The following ADARB2 variants were observed in gnomAD, a reference collection of about 807,000 sequenced individuals.
The protein encoded by ADARB2 is inactive double-stranded RNA-specific editase B2.
A neutral mutation model predicts 62.2 loss-of-function variants in ADARB2; 25 were observed. That is an observed-to-expected ratio of 0.40 (90% CI 0.29 to 0.56). ADARB2 has a LOEUF of 0.56. ADARB2 is among the 20% of genes least tolerant of loss of function. The pLI, the probability that ADARB2 is intolerant of heterozygous loss-of-function variation, is 0.43. For synonymous variants in ADARB2, 572 were observed against 500.8 expected, an observed-to-expected ratio of 1.14 and a Z score of -1.90; for missense variants, 1,071 against 1,077.4, an observed-to-expected ratio of 0.99 and a Z score of 0.08.
At chr10:1,251,708 G>A (rs1432847950) in intron 4 of ADARB2, among the ~76,000 whole-genome samples, 1 of 152,144 alleles carries the variant, frequency 6.6e-6, no homozygotes, top group Non-Finnish European at 1.5e-5. Flanking sequence ...CCTCATTGTG[G>A]TGGTATTAAA....
intron 1 of ADARB2, among the ~76,000 whole-genome samples, chr10:1,716,318 ACAGT>A (rs368090446): frequency 3.8e-4 from 58 of 152,372 alleles, no homozygotes; most frequent in East Asian, 3.7e-3. Context: ...ACAGCTGGAG[ACAGT>A]CAGGAAGAAG....
At chr10:1,263,345 C>A (rs940328043) in intron 4 of ADARB2, among the ~76,000 whole-genome samples, 13 of 152,284 alleles carry the variant, frequency 8.5e-5, no homozygotes, top group African/African-American at 3.1e-4. Context: ...TTACACACCC[C>A]AAACATTGCC....
chr10:1,563,549 G>A (rs1022759793), intron 1 of ADARB2, among the ~76,000 whole-genome samples: 1 of 152,116 alleles, frequency 6.6e-6, no homozygotes, highest in African/African-American at 2.4e-5. Context: ...CTATAATCGC[G>A]CCAGTTTATG....
At chr10:1,591,294 G>T (rs372169957) in intron 1 of ADARB2, among the ~76,000 whole-genome samples, 5 of 152,212 alleles carry the variant, frequency 3.3e-5, no homozygotes, top group African/African-American at 7.2e-5. Context: ...CTGCTCGGAG[G>T]CTCCGCGAGG....
intron 1 of ADARB2, among the ~76,000 whole-genome samples, chr10:1,611,512 C>G (rs12355706): frequency 0.26 from 39,621 of 152,048 alleles, 5,498 homozygotes; most frequent in Non-Finnish European, 0.31. Flanking sequence ...TCCCCAAATG[C>G]TGGGGAGGTG....
At chr10:1,525,842 T>C (rs529962845) in intron 1 of ADARB2, among the ~76,000 whole-genome samples, 2 of 152,152 alleles carry the variant, frequency 1.3e-5, no homozygotes, top group Non-Finnish European at 2.9e-5. Flanking sequence ...TATGTTCATG[T>C]GCTTGTGTGT....
At chr10:1,644,647 T>C (rs574087093) in intron 1 of ADARB2, among the ~76,000 whole-genome samples, 11 of 152,390 alleles carry the variant, frequency 7.2e-5, no homozygotes, top group African/African-American at 2.6e-4. Context: ...CAGTCAATGA[T>C]GCTGGCGGAG....
intron 1 of ADARB2, among the ~76,000 whole-genome samples, chr10:1,728,731 A>G (rs1014773494): frequency 3.3e-5 from 5 of 152,208 alleles, no homozygotes; most frequent in Non-Finnish European, 1.5e-5. Flanking sequence ...GCTAATAAAT[A>G]TTTCCCTGCA....
intron 1 of ADARB2, among the ~76,000 whole-genome samples, chr10:1,690,209 G>A (rs897298516): frequency 1.3e-5 from 2 of 152,198 alleles, no homozygotes; most frequent in Non-Finnish European, 2.9e-5. Context: ...TTCTCAGCTC[G>A]TAGGAGCACA....
At chr10:1,731,789 G>A (rs964943396) in intron 1 of ADARB2, among the ~76,000 whole-genome samples, 20 of 152,168 alleles carry the variant, frequency 1.3e-4, no homozygotes, top group African/African-American at 4.8e-4. Flanking sequence ...CCTAACCACA[G>A]AGACGGCATC....
chr10:1,712,999 T>C (rs969740603), intron 1 of ADARB2, among the ~76,000 whole-genome samples: 1 of 152,164 alleles, frequency 6.6e-6, no homozygotes, highest in African/African-American at 2.4e-5. Flanking sequence ...TCATCAGTCA[T>C]GTGTACTTCC....
chr10:1,678,442 C>T lies in ADARB2; in HGVS notation c.100+58609G>A, dbSNP rs185805910. 117 of 675,134 alleles carry T rather than the reference C, an allele frequency of 1.7e-4. No individual in the cohort carries two copies. In the Middle Eastern group the frequency reaches 2.2e-3, roughly 13 times the overall value. The allele number at this position is 675,134 out of a possible 1,614,324, so 41.8% of individuals were successfully genotyped here. ...TCCCTTTCAGCACTCAGGACAGTAA[C>T]GAACACAGGGTCACACTCAAGGTCA... On this transcript the variant is annotated intron_variant, in intron 1 of 9. Transcript: ENST00000381312.
rs534815310 is a variant in ADARB2 at position 1,394,329 on chromosome 10, C to T, written c.101-15169G>A. 6.0e-4 allele frequency among the ~76,000 whole-genome samples: 91 copies of T among 152,314 alleles called. 1 individual carries two copies. Among genetic ancestry groups the T allele is most frequent in the Admixed American group, 2.2e-3 (34 of 15,304 alleles). ...TCTGATCCACTTAACGCCATCCACCCGGGGCCCAGCCTCAAGGCCCGCGGG... is the reference window on the plus strand; with the variant it reads ...TCTGATCCACTTAACGCCATCCACCTGGGGCCCAGCCTCAAGGCCCGCGGG... On this transcript the variant is annotated intron_variant, in intron 1 of 9. Coordinates refer to ENST00000381312, the MANE Select transcript of ADARB2 (RefSeq NM_018702.4).
chr10:1,551,543 C>A (rs751238302), intron 1 of ADARB2, among the ~76,000 whole-genome samples: 2 of 152,216 alleles, frequency 1.3e-5, no homozygotes, highest in East Asian at 3.9e-4. Context: ...CCTCTGCCCG[C>A]CCTTCCTGCC....
intron 1 of ADARB2, among the ~76,000 whole-genome samples, chr10:1,708,081 G>A (rs1834911558): frequency 6.6e-6 from 1 of 152,244 alleles, no homozygotes. Flanking sequence ...ATGCAATGCT[G>A]GAAGGCAGAG....
At position 1,709,134 on chromosome 10, in the gene ADARB2, A is replaced by G. The variant is rs369406409; in HGVS notation, c.100+27917T>C. Among the ~76,000 whole-genome samples the G allele has an allele frequency of 7.2e-5, 11 of 152,304 alleles. No homozygotes were observed. The South Asian group carries it at 1.9e-3, about 26-fold the overall frequency. ...GCTCTAGTGCTGAATGAGTCTCTCT[A>G]TGGAAGTCGCTAAGTGGAGACCTAC... On this transcript the variant is annotated intron_variant, in intron 1 of 9. Coordinates refer to ENST00000381312, the MANE Select transcript of ADARB2 (RefSeq NM_018702.4).
chr10:1,559,276 T>G (rs532612728), intron 1 of ADARB2, among the ~76,000 whole-genome samples: 39 of 152,240 alleles, frequency 2.6e-4, no homozygotes, highest in African/African-American at 9.1e-4. Flanking sequence ...AGTGTGGATA[T>G]GGGTTTTGGC....
chr10:1,336,303 A>G (rs959768110), intron 3 of ADARB2, among the ~76,000 whole-genome samples: 2 of 152,150 alleles, frequency 1.3e-5, no homozygotes, highest in Non-Finnish European at 2.9e-5. Context: ...GGCTATTTCC[A>G]TATCTGTTTC....
intron 1 of ADARB2, among the ~76,000 whole-genome samples, chr10:1,536,635 A>G (rs1832336788): frequency 6.6e-6 from 1 of 152,216 alleles, no homozygotes; most frequent in South Asian, 2.1e-4. Context: ...GAATGTTGTA[A>G]CTAGGACTCT....
Sources: gnomAD v4.1 joint callset for allele counts (sites outside exome capture counted in the v4.1 genomes callset) on GRCh38, gnomAD v4.1.1 for gene constraint, MANE v1.5 for transcripts, NCBI Gene and HGNC (gene_info 2026-07-23, HGNC 2026-07-21) for gene names.